Variants in PLXNA4 observed in about 807,000 individuals in gnomAD.
PLXNA4 encodes the protein plexin A4.
In PLXNA4, 44 loss-of-function variants were observed where a neutral mutation model predicts 191.8. The ratio of observed to expected loss-of-function variants is 0.23; its 90% CI spans 0.18 to 0.29. The LOEUF (loss-of-function observed/expected upper bound fraction) is 0.29. PLXNA4 is among the 10% of genes least tolerant of loss of function. PLXNA4 has a pLI of 1.00. For synonymous variants in PLXNA4, 1,082 were observed against 1,009.5 expected (o/e 1.07, Z -1.36); for missense variants, 1,800 against 2,488.8 (o/e 0.72, Z 5.89).
chr7:132,642,982 C>A (rs1187128501), intron 2 of PLXNA4, among the ~76,000 whole-genome samples: 2 of 150,764 alleles, frequency 1.3e-5, no homozygotes, highest in East Asian at 2.0e-4. Flanking sequence ...TTGAAGGATA[C>A]ACAAGAAATT....
chr7:132,200,804 C>T (rs1733025261), intron 12 of PLXNA4, among the ~76,000 whole-genome samples: 1 of 152,228 alleles, frequency 6.6e-6, no homozygotes, highest in Non-Finnish European at 1.5e-5. Context: ...CCTAGGAGAA[C>T]ATTACTCAGG....
chr7:132,229,542 G>C (rs766690200), intron 5 of PLXNA4, among the ~76,000 whole-genome samples: 1 of 152,074 alleles, frequency 6.6e-6, no homozygotes, highest in East Asian at 1.9e-4. Flanking sequence ...GGGCAAGCAG[G>C]GTCCTCAGGA....
chr7:132,587,187 G>T (rs77753973), intron 2 of PLXNA4, among the ~76,000 whole-genome samples: 3,481 of 152,184 alleles, frequency 0.023, 90 homozygotes, highest in African/African-American at 0.061. Flanking sequence ...GGAATTAATT[G>T]GAAACAATCA....
chr7:132,420,037 T>A lies in PLXNA4; in HGVS notation c.1371+69255A>T, dbSNP rs774078637. 9.9e-5 allele frequency among the ~76,000 whole-genome samples: 15 copies of A among 152,134 alleles called. No individual in the cohort carries two copies. The South Asian group carries it at 1.7e-3, about 17-fold the overall frequency. On this transcript the variant is annotated intron_variant, in intron 3 of 31. Transcript: ENST00000321063. ...TTGTCACCCTCTAGACCACACCACA[T>A]CAACCAACGCTTGCAGCATGTTGCC...
intron 2 of PLXNA4, among the ~76,000 whole-genome samples, chr7:132,616,984 C>G (rs1439211133): frequency 6.6e-6 from 1 of 152,188 alleles, no homozygotes; most frequent in Non-Finnish European, 1.5e-5. Flanking sequence ...CATGCCCTCT[C>G]TCATCTTCAC....
intron 2 of PLXNA4, among the ~76,000 whole-genome samples, chr7:132,627,308 A>T (rs1355034007): frequency 1.3e-5 from 2 of 152,160 alleles, no homozygotes; most frequent in African/African-American, 2.4e-5. Context: ...GAAGGTTTAG[A>T]TCTTTTACAC....
At chr7:132,539,205 C>G (rs191002983) in intron 1 of PLXNA4, among the ~76,000 whole-genome samples, 1 of 152,180 alleles carries the variant, frequency 6.6e-6, no homozygotes, top group Non-Finnish European at 1.5e-5. Flanking sequence ...CCAAGTGAGA[C>G]TCTGTCCCTG....
chr7:132,606,997 A>G (rs2116847817), intron 2 of PLXNA4, among the ~76,000 whole-genome samples: 1 of 152,306 alleles, frequency 6.6e-6, no homozygotes, highest in South Asian at 2.1e-4. Flanking sequence ...AAAAACTGGC[A>G]TTTTTGGAAT....
At chr7:132,493,560 A>T (rs1797886409) in intron 2 of PLXNA4, among the ~76,000 whole-genome samples, 1 of 152,152 alleles carries the variant, frequency 6.6e-6, no homozygotes, top group Admixed American at 6.5e-5. Flanking sequence ...CATGGGGTAC[A>T]AATTAAGATG....
chr7:132,468,992 G>A lies in PLXNA4; in HGVS notation c.1371+20300C>T, dbSNP rs146325893. 8.5e-3 allele frequency among the ~76,000 whole-genome samples: 1,293 copies of A among 151,560 alleles called. 11 individuals carry two copies. The highest frequency in any genetic ancestry group is 0.034 in the Middle Eastern group (10 of 292). On this transcript the variant is annotated intron_variant, in intron 3 of 31. Transcript: ENST00000321063. ...CTCGAAAGCTTCCAGCCTGGAGGGC[G>A]ACCTGAGATGTTAGTACCAAGGGCT...
intron 2 of PLXNA4, among the ~76,000 whole-genome samples, chr7:132,603,137 GC>G (rs1802851944): frequency 6.6e-6 from 1 of 152,134 alleles, no homozygotes; most frequent in African/African-American, 2.4e-5. Context: ...TCTTCTCATA[GC>G]CAGTTTGCTG....
intron 16 of PLXNA4, among the ~76,000 whole-genome samples, chr7:132,182,679 C>G (rs1796749165): frequency 6.6e-6 from 1 of 152,188 alleles, no homozygotes; most frequent in Admixed American, 6.5e-5. Context: ...CTATAATTTT[C>G]TATCTTGGAG....
At chr7:132,393,512 A>G (rs1793611447) in intron 3 of PLXNA4, among the ~76,000 whole-genome samples, 1 of 152,136 alleles carries the variant, frequency 6.6e-6, no homozygotes, top group Non-Finnish European at 1.5e-5. Context: ...CAACAAGCTC[A>G]TCACTCAAGT....
Position 132,168,550 on chromosome 7 carries a change from C to T in PLXNA4, c.4040G>A (p.Arg1347His), listed in dbSNP as rs200800715. 65 of 1,592,482 alleles carry T rather than the reference C, an allele frequency of 4.1e-5. No individual in the cohort carries two copies. The Middle Eastern group carries it at 6.7e-4, about 16-fold the overall frequency. ...GAAGAGCTTCAGGCCTTTCTCCACACGCTCCTGCCGGTAGCCCGGGACCTG... is the reference window on the plus strand; with the variant it reads ...GAAGAGCTTCAGGCCTTTCTCCACATGCTCCTGCCGGTAGCCCGGGACCTG... ...DLEVPGYRQE[R>H]VEKGLKLFAQ... The change falls in exon 22 of 32, where the codon CGT becomes CAT. Residue 1347 changes from arginine (R) to histidine (H), a missense_variant. Arg to His is a conservative substitution (Grantham distance 29). Transcript: ENST00000321063.
chr7:132,629,572 A>G (rs1472135283), intron 2 of PLXNA4, among the ~76,000 whole-genome samples: 1 of 152,222 alleles, frequency 6.6e-6, no homozygotes, highest in African/African-American at 2.4e-5. Flanking sequence ...ATTGGGAACC[A>G]TGAATCCAAC....
chr7:132,469,788 G>C (rs951178337), intron 3 of PLXNA4, among the ~76,000 whole-genome samples: 2 of 152,170 alleles, frequency 1.3e-5, no homozygotes, highest in African/African-American at 4.8e-5. Flanking sequence ...ATCACATCTT[G>C]CTCAACAGTA....
chr7:132,395,596 A>AG (rs1347362301), intron 3 of PLXNA4, among the ~76,000 whole-genome samples: 5 of 152,236 alleles, frequency 3.3e-5, no homozygotes, highest in Middle Eastern at 3.2e-3. Flanking sequence ...GGGCAGAACC[A>AG]GGGGGAAGCA....
At chr7:132,332,734 C>T (rs1247050066) in intron 3 of PLXNA4, among the ~76,000 whole-genome samples, 1 of 151,728 alleles carries the variant, frequency 6.6e-6, no homozygotes, top group Non-Finnish European at 1.5e-5. Flanking sequence ...TGGGCGAGGG[C>T]CTGTAGTCCC....
chr7:132,404,661 AT>A (rs1794136173), intron 3 of PLXNA4, among the ~76,000 whole-genome samples: 1 of 152,230 alleles, frequency 6.6e-6, no homozygotes, highest in Non-Finnish European at 1.5e-5. Context: ...CAATATGATC[AT>A]GTTATTTAAC....
Sources: gnomAD v4.1 joint callset for allele counts (sites outside exome capture counted in the v4.1 genomes callset) on GRCh38, gnomAD v4.1.1 for gene constraint, MANE v1.5 for transcripts, NCBI Gene and HGNC (gene_info 2026-07-23, HGNC 2026-07-21) for gene names.